The following SMURF2 variants were observed in gnomAD, a reference collection of about 807,000 sequenced individuals.
SMURF2 encodes SMAD specific E3 ubiquitin protein ligase 2, also known as E3 ubiquitin-protein ligase SMURF2.
Under a neutral mutation model 109.6 loss-of-function variants are expected in SMURF2, and 48 were observed. That is an observed-to-expected ratio of 0.44 (90% CI 0.35 to 0.56). SMURF2 has a LOEUF of 0.56. SMURF2 is among the 20% of genes least tolerant of loss of function. The probability of loss-of-function intolerance (pLI) is 0.01; values close to 1 mark genes in which losing one functional copy is unlikely to be tolerated. For missense variants in SMURF2, 575 were observed against 909.0 expected (o/e 0.63, Z 4.72); for synonymous variants, 288 against 317.1 (o/e 0.91, Z 0.97).
chr17:64,621,400 C>CA (rs1970199431), intron 1 of SMURF2, among the ~76,000 whole-genome samples: 1 of 148,768 alleles, frequency 6.7e-6, no homozygotes, highest in Non-Finnish European at 1.5e-5. Context: ...GCCGACATGG[C>CA]AAAATCCCGT....
At chr17:64,575,449 G>A (rs1047737831) in intron 9 of SMURF2, among the ~76,000 whole-genome samples, 7 of 151,786 alleles carry the variant, frequency 4.6e-5, no homozygotes, top group African/African-American at 1.5e-4. Context: ...CACCGAGCCC[G>A]GCCCCCACTA....
At chr17:64,614,320 A>T (rs1555689930) in intron 1 of SMURF2, among the ~76,000 whole-genome samples, 1 of 152,228 alleles carries the variant, frequency 6.6e-6, no homozygotes, top group Non-Finnish European at 1.5e-5. Flanking sequence ...GTGTTAAAGC[A>T]AAACATTATA....
At chr17:64,603,023 C>T (rs1472903453) in intron 2 of SMURF2, among the ~76,000 whole-genome samples, 1 of 151,612 alleles carries the variant, frequency 6.6e-6, no homozygotes, top group Non-Finnish European at 1.5e-5. Context: ...TACACAAATG[C>T]ACTTGAAAAG....
intron 1 of SMURF2, among the ~76,000 whole-genome samples, chr17:64,621,392 C>T (rs1170366734): frequency 1.3e-5 from 2 of 151,564 alleles, no homozygotes; most frequent in Non-Finnish European, 2.9e-5. Flanking sequence ...CCAGCCTGGC[C>T]GACATGGCAA....
rs560521576 is a variant in SMURF2, at chr17:64,631,671, C to T, written c.53-25031G>A. On this transcript the variant is annotated intron_variant, in intron 1 of 18. Transcript: ENST00000262435. ...ACACCCCCTCCCAAAAAACAAAACA[C>T]CATGAAACAAACAAAAAACAGAAAT... Among the ~76,000 whole-genome samples, 81 of 152,232 alleles carry T rather than the reference C, an allele frequency of 5.3e-4. 1 individual carries two copies. The highest frequency in any genetic ancestry group is 1.8e-3 in the African/African-American group (75 of 41,552).
At position 64,603,070 on chromosome 17, in the gene SMURF2, A is replaced by C. The variant is rs141899619; in HGVS notation, c.91+3532T>G. 6.2e-3 allele frequency among the ~76,000 whole-genome samples: 950 copies of C among 152,064 alleles called. 7 individuals are homozygous for C. Among genetic ancestry groups the C allele is most frequent in the Middle Eastern group, 0.01 (3 of 294 alleles). On this transcript the variant is annotated intron_variant, in intron 2 of 18. Transcript: ENST00000262435. ...AATAAAATAACATTTTCAACTCAAA[A>C]GTGTGCTACCTTCCAAAGAAAACAG...
chr17:64,614,973 C>G (rs1970101679), intron 1 of SMURF2, among the ~76,000 whole-genome samples: 1 of 152,160 alleles, frequency 6.6e-6, no homozygotes, highest in Admixed American at 6.5e-5. Flanking sequence ...TGCAGAAGTA[C>G]AGATGGCAGT....
chr17:64,566,561 G>GTTTTTTTTTTTTTGTTTTT (rs1969306919), intron 10 of SMURF2, among the ~76,000 whole-genome samples: 3 of 43,784 alleles, frequency 6.9e-5, no homozygotes, highest in African/African-American at 2.3e-4. Flanking sequence ...AAGCTTTCTG[G>GTTTTTTTTTTTTTGTTTTT]TTTTTTTTTT....
chr17:64,651,891 C>A (rs782363104), intron 1 of SMURF2, among the ~76,000 whole-genome samples: 2 of 152,168 alleles, frequency 1.3e-5, no homozygotes, highest in Non-Finnish European at 2.9e-5. Context: ...TGCACTGCAG[C>A]CTGGGTGACA....
At chr17:64,577,219 C>T (rs1255249406) in intron 9 of SMURF2, among the ~76,000 whole-genome samples, 3 of 152,034 alleles carry the variant, frequency 2.0e-5, no homozygotes, top group Admixed American at 6.6e-5. Context: ...GAATACTATG[C>T]AGCCATAAAA....
At chr17:64,591,587 A>G (rs1434518370) in intron 4 of SMURF2, among the ~76,000 whole-genome samples, 1 of 152,248 alleles carries the variant, frequency 6.6e-6, no homozygotes, top group African/African-American at 2.4e-5. Context: ...GAAGCCAAGA[A>G]TAAACTGTAA....
chr17:64,644,596 CAAA>C (rs61408446), intron 1 of SMURF2, among the ~76,000 whole-genome samples: 1 of 129,446 alleles, frequency 7.7e-6, no homozygotes, highest in Non-Finnish European at 1.6e-5. Flanking sequence ...GACTCTGTCT[CAAA>C]AAAAAAAAGA....
At chr17:64,588,695 C>T (rs1187525922) in intron 5 of SMURF2, among the ~76,000 whole-genome samples, 1 of 151,966 alleles carries the variant, frequency 6.6e-6, no homozygotes, top group Non-Finnish European at 1.5e-5. Flanking sequence ...TCTTGGCTCA[C>T]CACAGCCTCC....
At chr17:64,631,483 A>C (rs1476661247) in intron 1 of SMURF2, among the ~76,000 whole-genome samples, 1 of 152,136 alleles carries the variant, frequency 6.6e-6, no homozygotes, top group African/African-American at 2.4e-5. Flanking sequence ...GGATATTTAA[A>C]TTCTGAAAGA....
intron 1 of SMURF2, among the ~76,000 whole-genome samples, chr17:64,661,496 G>A (rs1054125764): frequency 1.3e-5 from 2 of 152,054 alleles, no homozygotes; most frequent in African/African-American, 4.8e-5. Flanking sequence ...TCTCACCTGG[G>A]CGGTAGCCCA....
chr17:64,628,920 C>T (rs1970301648), intron 1 of SMURF2, among the ~76,000 whole-genome samples: 1 of 152,150 alleles, frequency 6.6e-6, no homozygotes, highest in Non-Finnish European at 1.5e-5. Flanking sequence ...TCCCCTGTTA[C>T]TGAGCACCCA....
intron 5 of SMURF2, among the ~76,000 whole-genome samples, 176 bp downstream of exon 5, chr17:64,590,908 A>G (rs1459184905): frequency 6.7e-6 from 1 of 149,948 alleles, no homozygotes; most frequent in Non-Finnish European, 1.5e-5. Context: ...TTTTTACATT[A>G]AAGTTTTTTA....
chr17:64,574,816 T>C (rs1555685894), intron 9 of SMURF2, among the ~76,000 whole-genome samples: 1 of 152,206 alleles, frequency 6.6e-6, no homozygotes, highest in East Asian at 1.9e-4. Flanking sequence ...TAAGAGCCTG[T>C]TACCAACAGT....
Position 64,640,895 on chromosome 17 carries a change from G to A in SMURF2, c.52+20934C>T, listed in dbSNP as rs1369477964. Reference sequence around the variant, plus strand: ...GATCATGCCACAGCACTCCAGCTTGGCAACAGAGTGAGACTCCATCTCAAA... The same window carrying A: ...GATCATGCCACAGCACTCCAGCTTGACAACAGAGTGAGACTCCATCTCAAA... On this transcript the variant is annotated intron_variant, in intron 1 of 18. Transcript: ENST00000262435. 4.8e-5 allele frequency among the ~76,000 whole-genome samples: 7 copies of A among 147,026 alleles called. No individual in the cohort carries two copies. In the East Asian group the frequency reaches 1.4e-3, roughly 29 times the overall value.
Sources: allele counts gnomAD v4.1 joint callset (sites outside exome capture counted in the v4.1 genomes callset), GRCh38; gene constraint gnomAD v4.1.1; transcripts MANE v1.5; gene names NCBI Gene and HGNC (gene_info 2026-07-23, HGNC 2026-07-21).